RSF1: variants seen among roughly 807,000 people sequenced by gnomAD.
RSF1 encodes remodeling and spacing factor 1.
A neutral mutation model predicts 145.2 loss-of-function variants in RSF1; 13 were observed. That is an observed-to-expected ratio of 0.09 (90% CI 0.06 to 0.14). The LOEUF (loss-of-function observed/expected upper bound fraction) is 0.14, where lower values mean the gene tolerates loss of function less well. Among genes scored for constraint, RSF1 ranks in the 10% least tolerant of loss-of-function variants. The pLI is 1.00. For synonymous variants in RSF1, 577 were observed against 592.6 expected, an observed-to-expected ratio of 0.97 and a Z score of 0.38; for missense variants, 1,517 against 1,718.2, an observed-to-expected ratio of 0.88 and a Z score of 2.07.
chr11:77,784,832 GTAA>G (rs1290625421), intron 1 of RSF1, among the ~76,000 whole-genome samples: 6 of 152,182 alleles, frequency 3.9e-5, no homozygotes, highest in Non-Finnish European at 8.8e-5. Context: ...TGTTTGGCTA[GTAA>G]TAACCTGGAT....
At chr11:77,800,200 A>G (rs1345035552) in intron 1 of RSF1, among the ~76,000 whole-genome samples, 1 of 152,114 alleles carries the variant, frequency 6.6e-6, no homozygotes, top group Non-Finnish European at 1.5e-5. Flanking sequence ...TTTAGGAAAA[A>G]TTTGGCTGTG....
At chr11:77,762,027 C>CTTTTCTT (rs1948178767) in intron 2 of RSF1, 2 of 58,756 alleles carry the variant, frequency 3.4e-5, no homozygotes, top group African/African-American at 1.6e-4. Context: ...CTTTTCTTTT[C>CTTTTCTT]TTTTTTTTTT....
chr11:77,798,619 A>AAAAAAAAAAAAAAAAAAAAAAAAC (rs1565184155), intron 1 of RSF1, among the ~76,000 whole-genome samples: 1 of 119,398 alleles, frequency 8.4e-6, no homozygotes, highest in Non-Finnish European at 1.7e-5. Context: ...AAAAAAAAAA[A>AAAAAAAAAAAAAAAAAAAAAAAAC]AAAGGCACAT....
chr11:77,711,543 C>G (rs1245415579), intron 5 of RSF1, among the ~76,000 whole-genome samples: 1 of 151,980 alleles, frequency 6.6e-6, no homozygotes. Context: ...GTTGCAGGTG[C>G]CTGTAATCCC....
rs1248130789 is a variant in RSF1, at chr11:77,665,764, A to ACACACG, written c.*1147_*1152dup. 2.1e-5 allele frequency: 3 copies of ACACACG among 146,296 alleles called. No individual in the cohort carries two copies. The highest frequency in any genetic ancestry group is 8.0e-5 in the African/African-American group (3 of 37,734). The allele number at this position is 146,296 out of a possible 1,614,324, so 9.1% of individuals were successfully genotyped here. A position where few individuals can be genotyped will look rare whatever the true frequency, so the allele number is the denominator to read the frequency against. On this transcript the variant is annotated 3_prime_UTR_variant, in exon 16 of 16. Coordinates refer to ENST00000308488, the MANE Select transcript of RSF1 (RefSeq NM_016578.4). ...GCAGATAGGAAATTCCAACACACAC[A>ACACACG]CACACGCACACGCACACACACAAAC...
the RSF1 span, among the ~76,000 whole-genome samples, chr11:77,849,636 T>C: frequency 2.4e-4 from 37 of 152,288 alleles, no homozygotes; most frequent in Non-Finnish European, 4.9e-4. Flanking sequence ...TGGATCTGTT[T>C]TTTTGTGTGT....
In RSF1 at chr11:77,711,645, G is replaced by A. The variant is rs144548323; in HGVS notation, c.734-9150C>T. On this transcript the variant is annotated intron_variant, in intron 5 of 15. Coordinates refer to ENST00000308488, the MANE Select transcript of RSF1 (RefSeq NM_016578.4). ...AGATCGAGCCATTGCACTCCAGCCC[G>A]GCAAGAAGAGCGAAAGTCCGTCTCA... Among the ~76,000 whole-genome samples, 4 of 151,880 alleles carry A rather than the reference G, an allele frequency of 2.6e-5. No homozygotes were observed. The East Asian group carries it at 5.8e-4, about 22-fold the overall frequency.
At chr11:77,775,628 C>A (rs922347492) in intron 1 of RSF1, among the ~76,000 whole-genome samples, 3 of 152,150 alleles carry the variant, frequency 2.0e-5, no homozygotes, top group Non-Finnish European at 4.4e-5. Context: ...CATGTATATT[C>A]CATAGGTATT....
intron 9 of RSF1, among the ~76,000 whole-genome samples, chr11:77,686,871 C>G (rs1960024097): frequency 6.6e-6 from 1 of 152,130 alleles, no homozygotes; most frequent in Admixed American, 6.5e-5. Flanking sequence ...TGATTACACT[C>G]ATTGGCATAA....
At chr11:77,821,141 G>A (rs1279647016), upstream of RSF1, 3 of 403,180 alleles carry the variant, frequency 7.4e-6, no homozygotes, top group Admixed American at 1.2e-4. Flanking sequence ...ATTCCCGGAG[G>A]GCAGTTGGGG....
intron 13 of RSF1, among the ~76,000 whole-genome samples, chr11:77,675,607 C>G (rs574069418): frequency 6.6e-6 from 1 of 152,284 alleles, no homozygotes; most frequent in South Asian, 2.1e-4. Context: ...TCCGGTAACT[C>G]CAACCAGAAA....
At chr11:77,713,748 A>G (rs1960742532) in intron 5 of RSF1, among the ~76,000 whole-genome samples, 1 of 152,104 alleles carries the variant, frequency 6.6e-6, no homozygotes, top group Non-Finnish European at 1.5e-5. Context: ...AAAGGCATTA[A>G]TTCTTATGTT....
chr11:77,668,940 C>G (rs1165352137), intron 15 of RSF1, among the ~76,000 whole-genome samples: 2 of 152,154 alleles, frequency 1.3e-5, no homozygotes, highest in African/African-American at 4.8e-5. Context: ...TAGGCAACCA[C>G]TGAATTCCAG....
intron 15 of RSF1, among the ~76,000 whole-genome samples, chr11:77,671,204 T>TAG (rs1959539004): frequency 8.6e-6 from 1 of 116,886 alleles, no homozygotes; most frequent in African/African-American, 3.5e-5. Flanking sequence ...TGTGTATATA[T>TAG]ATATACACTA....
At position 77,702,359 on chromosome 11, in the gene RSF1, T is replaced by G; in HGVS notation, c.870A>C (p.Pro290=). Residue 290 remains proline, a synonymous_variant, in exon 6 of 16, where the codon CCA becomes CCC. Coordinates refer to ENST00000308488, the MANE Select transcript of RSF1 (RefSeq NM_016578.4). ...KEDEKELVKL[P]VIVKLEKPLP... ...AAGGTTTTTCTAGCTTCACTATGAC[T>G]GGCAGTTTCACAAGTTCCTTTTCAT... 1 of 1,611,956 alleles carries G rather than the reference T, an allele frequency of 6.2e-7. No individual in the cohort carries two copies. Among genetic ancestry groups the G allele is most frequent in the Non-Finnish European group, 8.5e-7 (1 of 1,179,554 alleles).
intron 9 of RSF1, among the ~76,000 whole-genome samples, chr11:77,686,771 T>C (rs1960018783): frequency 1.3e-5 from 2 of 152,184 alleles, no homozygotes; most frequent in African/African-American, 2.4e-5. Context: ...GGCTAGCCAC[T>C]AAATACTCAC....
intron 1 of RSF1, among the ~76,000 whole-genome samples, chr11:77,766,535 A>C (rs1038920150): frequency 2.6e-5 from 4 of 152,194 alleles, no homozygotes; most frequent in African/African-American, 9.7e-5. Flanking sequence ...CAGTGTTCAA[A>C]GACAAGTAAA....
intron 1 of RSF1, among the ~76,000 whole-genome samples, chr11:77,801,637 T>C (rs771638417): frequency 7.9e-5 from 12 of 152,138 alleles, no homozygotes; most frequent in Non-Finnish European, 1.2e-4. Flanking sequence ...ACAGAGCTCT[T>C]AAATCCCGTG....
intron 5 of RSF1, among the ~76,000 whole-genome samples, chr11:77,722,365 G>C (rs965976231): frequency 1.3e-5 from 2 of 152,110 alleles, no homozygotes; most frequent in South Asian, 4.1e-4. Flanking sequence ...ATTTGTTTCA[G>C]AAGTTAGGAG....
Sources: gnomAD v4.1 joint callset for allele counts (sites outside exome capture counted in the v4.1 genomes callset) on GRCh38, gnomAD v4.1.1 for gene constraint, MANE v1.5 for transcripts, NCBI Gene and HGNC (gene_info 2026-07-23, HGNC 2026-07-21) for gene names.